HSPA12A: variants seen among roughly 807,000 people sequenced by gnomAD.
The protein encoded by HSPA12A is heat shock protein family A (Hsp70) member 12A.
Under a neutral mutation model 69.2 loss-of-function variants are expected in HSPA12A, and 28 were observed. That is an observed-to-expected ratio of 0.40 (90% CI 0.30 to 0.55). The LOEUF is 0.55. Ranked by LOEUF, HSPA12A falls within the 20% of genes least tolerant of loss-of-function variation. The pLI is 0.38. For synonymous variants in HSPA12A, 345 were observed against 370.5 expected (o/e 0.93, Z 0.79); for missense variants, 686 against 900.7 (o/e 0.76, Z 3.05).
chr10:116,812,799 C>T (rs74463422), intron 2 of HSPA12A, among the ~76,000 whole-genome samples: 1 of 152,082 alleles, frequency 6.6e-6, no homozygotes, highest in African/African-American at 2.4e-5. Flanking sequence ...AGGCCAGGGT[C>T]GACGTCAAAG....
At chr10:116,804,501 C>T (rs1443035500) in intron 2 of HSPA12A, among the ~76,000 whole-genome samples, 2 of 152,216 alleles carry the variant, frequency 1.3e-5, no homozygotes, top group East Asian at 3.9e-4. Context: ...CGGCCAACTC[C>T]ACTCCAGGTC....
intron 7 of HSPA12A, 179 bp downstream of exon 7, chr10:116,683,612 G>A (rs1432846980): frequency 1.7e-5 from 8 of 460,944 alleles, no homozygotes; most frequent in Non-Finnish European, 2.2e-5. Context: ...CATTTATGGG[G>A]GTCCTTGGAG....
intron 1 of HSPA12A, among the ~76,000 whole-genome samples, chr10:116,837,138 T>C (rs1260232430): frequency 6.6e-6 from 1 of 152,226 alleles, no homozygotes; most frequent in Non-Finnish European, 1.5e-5. Context: ...CTTTATTAAA[T>C]AGTCATTGCC....
chr10:116,768,212 C>A (rs1844122480), intron 2 of HSPA12A, among the ~76,000 whole-genome samples: 1 of 152,136 alleles, frequency 6.6e-6, no homozygotes, highest in Non-Finnish European at 1.5e-5. Context: ...CATGAATGAA[C>A]CTTGAAAACA....
At chr10:116,772,867 A>T (rs1381746881) in intron 2 of HSPA12A, among the ~76,000 whole-genome samples, 1 of 151,512 alleles carries the variant, frequency 6.6e-6, no homozygotes, top group Non-Finnish European at 1.5e-5. Context: ...GCTGATTATT[A>T]TTATTATTAT....
chr10:116,709,446 CAAAA>C (rs543929917), intron 1 of HSPA12A, among the ~76,000 whole-genome samples: 1 of 69,354 alleles, frequency 1.4e-5, no homozygotes, highest in African/African-American at 5.6e-5. Context: ...GACTCCATCT[CAAAA>C]AAAAAAAAAA....
At chr10:116,725,860 G>A (rs1850936901) in intron 1 of HSPA12A, among the ~76,000 whole-genome samples, 1 of 151,992 alleles carries the variant, frequency 6.6e-6, no homozygotes, top group Non-Finnish European at 1.5e-5. Context: ...ATATTTTTGG[G>A]AGGAAATCTT....
chr10:116,682,267 C>A lies in HSPA12A; in HGVS notation c.836-390G>T, dbSNP rs937752719. Among the ~76,000 whole-genome samples, 5 of 152,246 alleles carry A rather than the reference C, an allele frequency of 3.3e-5. No homozygotes were observed. The East Asian group carries it at 9.7e-4, about 29-fold the overall frequency. On this transcript the variant is annotated intron_variant, in intron 7 of 11. Transcript: ENST00000369209. ...AGCGAGACTCTCAAATGAGACCTACCCTGGTCACATTTTTTGGAGAATGGG... is the reference window on the plus strand; with the variant it reads ...AGCGAGACTCTCAAATGAGACCTACACTGGTCACATTTTTTGGAGAATGGG...
intron 1 of HSPA12A, among the ~76,000 whole-genome samples, chr10:116,721,849 G>T (rs898971712): frequency 2.0e-4 from 31 of 152,220 alleles, no homozygotes; most frequent in African/African-American, 7.5e-4. Context: ...CATCATGGCT[G>T]CTCACCCACG....
At chr10:116,695,828 A>C (rs1849878013) in intron 5 of HSPA12A, among the ~76,000 whole-genome samples, 1 of 108,146 alleles carries the variant, frequency 9.2e-6, no homozygotes, top group South Asian at 3.2e-4. Flanking sequence ...TCAAAACAAA[A>C]ACAAAGAAAA....
intron 1 of HSPA12A, among the ~76,000 whole-genome samples, chr10:116,708,608 C>T (rs1850331667): frequency 6.6e-6 from 1 of 152,156 alleles, no homozygotes; most frequent in Non-Finnish European, 1.5e-5. Context: ...GCACAGCCAC[C>T]TCCCACTCTC....
Position 116,808,199 on chromosome 10 carries a change from G to A in HSPA12A, c.91+26736C>T, listed in dbSNP as rs1322040966. Among the ~76,000 whole-genome samples the A allele has an allele frequency of 5.3e-5, 8 of 151,930 alleles. No individual in the cohort carries two copies. The South Asian group carries it at 1.3e-3, about 24-fold the overall frequency. On this transcript the variant is annotated intron_variant, in intron 2 of 12. Transcript: ENST00000635765. ...AAGGGGCCTTGAGTTTTTCTGATGAGGGATGAATGCTGAGGCCCATCCTGG... is the reference window on the plus strand; with the variant it reads ...AAGGGGCCTTGAGTTTTTCTGATGAAGGATGAATGCTGAGGCCCATCCTGG...
intron 1 of HSPA12A, among the ~76,000 whole-genome samples, chr10:116,847,532 C>T (rs1845913450): frequency 6.6e-6 from 1 of 152,140 alleles, no homozygotes. Flanking sequence ...ACTTTTCCAC[C>T]CTATTTCTCA....
intron 2 of HSPA12A, among the ~76,000 whole-genome samples, chr10:116,795,593 G>A (rs1356912582): frequency 2.7e-5 from 4 of 150,468 alleles, no homozygotes; most frequent in Non-Finnish European, 5.9e-5. Flanking sequence ...GGCTGGGGCA[G>A]GAGAATTGCT....
At chr10:116,743,724 GAAT>G (rs2133074416), upstream of HSPA12A, among the ~76,000 whole-genome samples, 1 of 151,666 alleles carries the variant, frequency 6.6e-6, no homozygotes, top group South Asian at 2.1e-4. Context: ...ATGGATGACG[GAAT>G]GGGCAGAGAG....
intron 1 of HSPA12A, among the ~76,000 whole-genome samples, chr10:116,708,719 G>A (rs1039671272): frequency 1.3e-5 from 2 of 152,120 alleles, no homozygotes; most frequent in Non-Finnish European, 2.9e-5. Context: ...CCAACTCGCT[G>A]GGTAAAGGAC....
intron 1 of HSPA12A, among the ~76,000 whole-genome samples, chr10:116,738,024 T>C (rs1357149853): frequency 1.5e-4 from 23 of 152,322 alleles, no homozygotes; most frequent in East Asian, 1.2e-3. Context: ...GCTCATTCAT[T>C]AAAAGCCCCT....
chr10:116,773,928 T>A (rs1212780285), intron 2 of HSPA12A, among the ~76,000 whole-genome samples: 2 of 152,188 alleles, frequency 1.3e-5, no homozygotes, highest in African/African-American at 4.8e-5. Flanking sequence ...TTCAGCTGAA[T>A]GACCTTGGGT....
chr10:116,849,373 G>A (rs75763619), intron 1 of HSPA12A: 2 of 649,950 alleles, frequency 3.1e-6, no homozygotes, highest in Admixed American at 4.0e-5. Context: ...AATGCCGCAG[G>A]GAGAAAAGAC....
Sources: allele counts gnomAD v4.1 joint callset (sites outside exome capture counted in the v4.1 genomes callset), GRCh38; gene constraint gnomAD v4.1.1; transcripts MANE v1.5; gene names NCBI Gene and HGNC (gene_info 2026-07-23, HGNC 2026-07-21).